CNTN4: variants seen among roughly 807,000 people sequenced by gnomAD.
The protein encoded by CNTN4 is contactin 4.
Under a neutral mutation model 122.5 loss-of-function variants are expected in CNTN4, and 77 were observed. The ratio of observed to expected loss-of-function variants is 0.63; its 90% CI spans 0.52 to 0.76. The LOEUF (loss-of-function observed/expected upper bound fraction) is 0.76. CNTN4 is among the 30% of genes least tolerant of loss of function. The pLI is 0.00. For synonymous variants in CNTN4, 512 were observed against 447.0 expected (o/e 1.15, Z -1.83); for missense variants, 1,256 against 1,259.1 (o/e 1.00, Z 0.04).
intron 4 of CNTN4, among the ~76,000 whole-genome samples, chr3:2,572,112 G>A (rs1359201526): frequency 1.3e-5 from 2 of 152,312 alleles, no homozygotes; most frequent in South Asian, 2.1e-4. Context: ...ACATGGCTGG[G>A]CGCAGTGGCT....
rs552514197 is a variant in CNTN4 at position 2,307,778 on chromosome 3, T to C, written c.-144-31400T>C. ...TACTTGAATAATCTGGTCTATATCATTGCTTTACTTGAATAATCTGTTGTG... is the reference window on the plus strand; with the variant it reads ...TACTTGAATAATCTGGTCTATATCACTGCTTTACTTGAATAATCTGTTGTG... On this transcript the variant is annotated intron_variant, in intron 2 of 24. Transcript: ENST00000418658. 2.1e-3 allele frequency among the ~76,000 whole-genome samples: 320 copies of C among 150,654 alleles called. 1 individual carries two copies. Among genetic ancestry groups the C allele is most frequent in the African/African-American group, 7.4e-3 (301 of 40,482 alleles).
At chr3:2,730,330 A>G (rs1230167852) in intron 4 of CNTN4, among the ~76,000 whole-genome samples, 3 of 152,308 alleles carry the variant, frequency 2.0e-5, no homozygotes, top group African/African-American at 7.2e-5. Context: ...AGGTGTCACT[A>G]TCTCATGTTG....
intron 3 of CNTN4, among the ~76,000 whole-genome samples, chr3:2,430,932 T>A (rs2048045713): frequency 6.6e-6 from 1 of 152,228 alleles, no homozygotes; most frequent in Admixed American, 6.5e-5. Flanking sequence ...AATTGAATCA[T>A]AATGCTAAGT....
chr3:2,643,287 C>G (rs1343275254), intron 4 of CNTN4, among the ~76,000 whole-genome samples: 1 of 152,154 alleles, frequency 6.6e-6, no homozygotes, highest in South Asian at 2.1e-4. Context: ...AATTTTCATG[C>G]CTCAGCCTCC....
chr3:2,249,902 T>C (rs1333268736), intron 2 of CNTN4, among the ~76,000 whole-genome samples: 1 of 151,852 alleles, frequency 6.6e-6, no homozygotes, highest in Non-Finnish European at 1.5e-5. Flanking sequence ...TCAAGATCCC[T>C]ATAGAGGGAT....
chr3:2,434,822 C>G (rs1000552697), intron 3 of CNTN4, among the ~76,000 whole-genome samples: 1 of 152,130 alleles, frequency 6.6e-6, no homozygotes, highest in Non-Finnish European at 1.5e-5. Context: ...GAGCATCACT[C>G]CTGCCTCTTC....
At chr3:2,941,698 C>T (rs1305218963) in intron 13 of CNTN4, among the ~76,000 whole-genome samples, 1 of 152,176 alleles carries the variant, frequency 6.6e-6, no homozygotes, top group Non-Finnish European at 1.5e-5. Flanking sequence ...ATACTCGCTC[C>T]CTTCCAATGT....
At chr3:2,356,877 C>T (rs1208954316) in intron 3 of CNTN4, among the ~76,000 whole-genome samples, 1 of 152,172 alleles carries the variant, frequency 6.6e-6, no homozygotes, top group Non-Finnish European at 1.5e-5. Flanking sequence ...TTTGGAATAT[C>T]TAGCTTCTTA....
intron 3 of CNTN4, chr3:2,571,196 CAG>C: frequency 2.2e-6 from 1 of 446,592 alleles, no homozygotes; most frequent in Non-Finnish European, 4.1e-6. Context: ...TCAGAAGCCA[CAG>C]GGACACTTCA....
At chr3:2,148,942 C>CTGTGTG (rs59161687) in intron 2 of CNTN4, among the ~76,000 whole-genome samples, 23 of 149,206 alleles carry the variant, frequency 1.5e-4, no homozygotes, top group East Asian at 1.2e-3. Flanking sequence ...ACTACCGTGA[C>CTGTGTG]TGTGTGTGTG....
chr3:3,034,509 C>T, intron 16 of CNTN4, 123 bp from the exon 17 acceptor site: 1 of 1,064,360 alleles, frequency 9.4e-7, no homozygotes, highest in Non-Finnish European at 1.4e-6. Context: ...AAGGATTTGA[C>T]AAGTGATGAA....
intron 3 of CNTN4, among the ~76,000 whole-genome samples, chr3:2,446,983 A>T (rs17786885): frequency 0.25 from 38,429 of 152,184 alleles, 5,801 homozygotes; most frequent in Non-Finnish European, 0.36. Context: ...GGGGAAGAAC[A>T]ACATGAACGG....
At chr3:2,840,451 A>G (rs1164922927) in intron 7 of CNTN4, among the ~76,000 whole-genome samples, 2 of 150,780 alleles carry the variant, frequency 1.3e-5, no homozygotes, top group African/African-American at 4.9e-5. Flanking sequence ...CTGTCATCCC[A>G]GCACTTTGGG....
intron 2 of CNTN4, among the ~76,000 whole-genome samples, chr3:2,261,299 A>G (rs1206152622): frequency 6.6e-6 from 1 of 152,188 alleles, no homozygotes; most frequent in Admixed American, 6.6e-5. Context: ...AATTTAAAAC[A>G]ATGTCATACA....
At chr3:2,560,551 A>C (rs555206597) in intron 3 of CNTN4, among the ~76,000 whole-genome samples, 2 of 152,318 alleles carry the variant, frequency 1.3e-5, no homozygotes, top group African/African-American at 4.8e-5. Flanking sequence ...GTGTTATCTC[A>C]TATACTTCTC....
At chr3:3,022,386 G>A (rs1217618308) in intron 14 of CNTN4, among the ~76,000 whole-genome samples, 2 of 152,176 alleles carry the variant, frequency 1.3e-5, no homozygotes, top group East Asian at 1.9e-4. Flanking sequence ...TTGGGCAACA[G>A]AACAAGACCC....
rs568611126 is a variant in CNTN4, at chr3:2,921,188, C to T, written c.1208-4441C>T. Among the ~76,000 whole-genome samples the T allele has an allele frequency of 9.9e-5, 15 of 152,242 alleles. No individual in the cohort carries two copies. In the South Asian group the frequency reaches 3.1e-3, roughly 32 times the overall value. On this transcript the variant is annotated intron_variant, in intron 12 of 24. Coordinates refer to ENST00000418658, the MANE Select transcript of CNTN4 (RefSeq NM_175607.3). ...AAGAAGCAAGGGCTACAGGCATTCACCACTACACCTGGCTAATGTTTTATT... is the reference window on the plus strand; with the variant it reads ...AAGAAGCAAGGGCTACAGGCATTCATCACTACACCTGGCTAATGTTTTATT...
chr3:2,383,240 A>AC lies in CNTN4; in HGVS notation c.-89+44009dup, dbSNP rs571797858. On this transcript the variant is annotated intron_variant, in intron 3 of 24. Coordinates refer to ENST00000418658, the MANE Select transcript of CNTN4 (RefSeq NM_175607.3). The stretch of plus-strand genomic sequence containing the variant: ...AGAATAATGATAATCTTATCCAATT[A>AC]CCTATCCAGCATGTGAATCCTTTTT... 3.4e-3 allele frequency among the ~76,000 whole-genome samples: 520 copies of AC among 152,318 alleles called. 3 individuals are homozygous for AC. The highest frequency in any genetic ancestry group is 0.01 in the Middle Eastern group (3 of 292).
chr3:2,710,237 G>C (rs1576533503), intron 4 of CNTN4, among the ~76,000 whole-genome samples: 1 of 152,168 alleles, frequency 6.6e-6, no homozygotes, highest in East Asian at 1.9e-4. Context: ...GAAAACTCCA[G>C]ATAATTTAAT....
Sources: allele counts gnomAD v4.1 joint callset (sites outside exome capture counted in the v4.1 genomes callset), GRCh38; gene constraint gnomAD v4.1.1; transcripts MANE v1.5; gene names NCBI Gene and HGNC (gene_info 2026-07-23, HGNC 2026-07-21).